The following TOGARAM2 variants were observed in gnomAD, a reference collection of about 807,000 sequenced individuals.
TOGARAM2 encodes TOG array regulator of axonemal microtubules 2.
Under a neutral mutation model 93.3 loss-of-function variants are expected in TOGARAM2, and 85 were observed. That is an observed-to-expected ratio of 0.91 (90% CI 0.76 to 1.09). The LOEUF is 1.09. Among genes scored for constraint, TOGARAM2 ranks in the 50% least tolerant of loss-of-function variants. TOGARAM2 has a pLI of 0.00. For synonymous variants in TOGARAM2, 593 were observed against 552.8 expected, an observed-to-expected ratio of 1.07 and a Z score of -1.02; for missense variants, 1,277 against 1,334.5, an observed-to-expected ratio of 0.96 and a Z score of 0.67.
intron 6 of TOGARAM2, among the ~76,000 whole-genome samples, chr2:29,005,176 G>C (rs1572680699): frequency 7.5e-6 from 1 of 133,904 alleles, no homozygotes; most frequent in South Asian, 2.6e-4. Context: ...ATGTGTAAGG[G>C]CATATGTGTG....
chr2:29,009,103 G>C (rs1284946604), intron 6 of TOGARAM2, among the ~76,000 whole-genome samples: 1 of 152,232 alleles, frequency 6.6e-6, no homozygotes, highest in African/African-American at 2.4e-5. Flanking sequence ...GAAGTTCAGA[G>C]AGGTGGGTGC....
chr2:28,991,237 C>T (rs1052467175), intron 1 of TOGARAM2, among the ~76,000 whole-genome samples: 2 of 152,098 alleles, frequency 1.3e-5, no homozygotes, highest in Non-Finnish European at 2.9e-5. Flanking sequence ...ACAAGAGGGC[C>T]CGGGGCAGGA....
intron 8 of TOGARAM2, 105 bp from the exon 9 acceptor site, chr2:29,017,049 A>C (rs1488520178): frequency 7.0e-7 from 1 of 1,426,056 alleles, no homozygotes; most frequent in African/African-American, 1.4e-5. Context: ...TTTTTTGTTC[A>C]CTTCCAGGAC....
intron 15 of TOGARAM2, 30 bp from the exon 16 acceptor site, chr2:29,033,439 T>C (rs1424545255): frequency 3.8e-5 from 60 of 1,593,410 alleles, no homozygotes; most frequent in Non-Finnish European, 5.1e-5. Flanking sequence ...CCACTCCTTT[T>C]GGCTCATGCT....
intron 14 of TOGARAM2, among the ~76,000 whole-genome samples, chr2:29,029,680 C>T (rs113582989): frequency 5.5e-5 from 8 of 146,542 alleles, no homozygotes; most frequent in South Asian, 4.6e-4. Flanking sequence ...GGCGTGAACC[C>T]GGGAGGCGGA....
In TOGARAM2 at chr2:29,028,292, G is replaced by A. The variant is rs139737433; in HGVS notation, c.2012+1281G>A. Among the ~76,000 whole-genome samples the A allele has an allele frequency of 7.2e-5, 11 of 152,280 alleles. No homozygotes were observed. In the East Asian group the frequency reaches 7.7e-4, roughly 11 times the overall value. ...CCAGACATTCTCGTAGGGTACCCACGTCTGAGGGTGCTCCCTGAGGGATGT... is the reference window on the plus strand; with the variant it reads ...CCAGACATTCTCGTAGGGTACCCACATCTGAGGGTGCTCCCTGAGGGATGT... On this transcript the variant is annotated intron_variant, in intron 14 of 19. Coordinates refer to ENST00000379558, the MANE Select transcript of TOGARAM2 (RefSeq NM_199280.4).
chr2:29,019,484 A>G (rs559745454), intron 10 of TOGARAM2, among the ~76,000 whole-genome samples: 1 of 152,228 alleles, frequency 6.6e-6, no homozygotes, highest in Non-Finnish European at 1.5e-5. Context: ...CACTCATTTT[A>G]TAGCAGCAGA....
chr2:29,051,588 TAAAAG>T (rs1667071810), intron 19 of TOGARAM2, 163 bp from the exon 20 acceptor site: 1 of 537,992 alleles, frequency 1.9e-6, no homozygotes, highest in African/African-American at 1.9e-5. Flanking sequence ...CTACTAATGT[TAAAAG>T]AAGCTAACAC....
rs929719899 is a variant in TOGARAM2 at position 29,017,310 on chromosome 2, G to T, written c.1195+6G>T. ...GAGAGCCTTCATGAAGGAAGGTACT[G>T]GGTGCCTGGTGTGGGATTTGCTCAG... On this transcript the variant is annotated splice_donor_region_variant and intron_variant, in intron 9 of 19. Coordinates refer to ENST00000379558, the MANE Select transcript of TOGARAM2 (RefSeq NM_199280.4). 6 of 1,590,052 alleles carry T rather than the reference G, an allele frequency of 3.8e-6. No homozygotes were observed. The African/African-American group carries it at 6.8e-5, about 18-fold the overall frequency.
At chr2:28,976,725 G>A (rs1672044304), upstream of TOGARAM2, among the ~76,000 whole-genome samples, 1 of 152,244 alleles carries the variant, frequency 6.6e-6, no homozygotes, top group Admixed American at 6.5e-5. Flanking sequence ...GCTTGGCCTA[G>A]TCCTCTCTCT....
intron 6 of TOGARAM2, among the ~76,000 whole-genome samples, chr2:29,009,854 G>T (rs1039187500): frequency 1.3e-5 from 2 of 152,178 alleles, no homozygotes; most frequent in African/African-American, 4.8e-5. Context: ...ACAGGGTGGG[G>T]CGGGGCTGCC....
Position 28,999,238 on chromosome 2 carries a change from T to C in TOGARAM2, c.197T>C (p.Leu66Pro), listed in dbSNP as rs867033905. Reference sequence around the variant, plus strand: ...AACAACGAGGAACCGTCACAGCTCCTGCGTGGACTCGGACAGCTGGGTGGC... The same window carrying C: ...AACAACGAGGAACCGTCACAGCTCCCGCGTGGACTCGGACAGCTGGGTGGC... Reference protein sequence around the residue: ...LLNNEEPSQLLRGLGQLGGLK... With the variant: ...LLNNEEPSQLPRGLGQLGGLK... The change falls in exon 4 of 20, where the codon CTG becomes CCG. Residue 66 changes from leucine to proline, a missense_variant. Leu to Pro is a moderately conservative substitution (Grantham distance 98). Transcript: ENST00000379558. The C allele has an allele frequency of 1.5e-5, 25 of 1,613,764 alleles. No individual in the cohort carries two copies. Among genetic ancestry groups the C allele is most frequent in the African/African-American group, 8.0e-5 (6 of 74,924 alleles).
chr2:29,024,441 G>A, intron 13 of TOGARAM2, 67 bp downstream of exon 13: 1 of 1,346,660 alleles, frequency 7.4e-7, no homozygotes, highest in Non-Finnish European at 1.0e-6. Flanking sequence ...GAGAGGCCCT[G>A]GGATGTGAAA....
chr2:28,960,415 CTG>C (rs1326857156), intron 1 of TOGARAM2, among the ~76,000 whole-genome samples: 3 of 152,116 alleles, frequency 2.0e-5, no homozygotes, highest in Non-Finnish European at 2.9e-5. Context: ...CTTGCTCACT[CTG>C]TCACCCAGGC....
rs1216763169 is a variant in TOGARAM2, at chr2:29,017,206, T to A, written c.1097T>A (p.Met366Lys). The change falls in exon 9 of 20, where the codon ATG becomes AAG. Residue 366 changes from methionine to lysine, a missense_variant. Physicochemically the swap from Met to Lys is moderately conservative, Grantham distance 95. Coordinates refer to ENST00000379558, the MANE Select transcript of TOGARAM2 (RefSeq NM_199280.4). ...SAREKMQLKQ[M>K]KEMELLRRLE... ...CGGGAGAAGATGCAGCTGAAGCAGA[T>A]GAAGGAGATGGAGCTGCTTCGGAGG... The A allele has an allele frequency of 1.2e-6, 2 of 1,613,784 alleles. No individual in the cohort carries two copies.
intron 10 of TOGARAM2, among the ~76,000 whole-genome samples, chr2:29,020,628 T>G (rs1221961125): frequency 6.6e-6 from 1 of 152,068 alleles, no homozygotes; most frequent in Admixed American, 6.5e-5. Flanking sequence ...TTAAATCCAG[T>G]GGATGCTAAA....
intron 17 of TOGARAM2, 39 bp from the exon 18 acceptor site, chr2:29,036,502 T>C (rs1666118340): frequency 6.2e-7 from 1 of 1,608,302 alleles, no homozygotes; most frequent in Admixed American, 1.7e-5. Context: ...CTGCCCAGCC[T>C]GGGTTCCCAT....
Position 28,963,902 on chromosome 2 carries a change from G to C in TOGARAM2, c.-147+7205G>C, listed in dbSNP as rs1219838439. On this transcript the variant is annotated intron_variant, in intron 1 of 6. Transcript: ENST00000401723. ...GTGCGCCTGTAGTCCAAGCTGCTTG[G>C]AGGTTGAGAAAGGAGAATTGCTTGA... 2.6e-5 allele frequency among the ~76,000 whole-genome samples: 4 copies of C among 152,146 alleles called. No homozygotes were observed. The East Asian group carries it at 7.7e-4, about 29-fold the overall frequency.
chr2:28,992,333 C>A (rs1196539146), intron 1 of TOGARAM2, among the ~76,000 whole-genome samples: 1 of 152,146 alleles, frequency 6.6e-6, no homozygotes, highest in Non-Finnish European at 1.5e-5. Flanking sequence ...GGAGATCCTG[C>A]ACTAGACCCT....
Sources: gnomAD v4.1 joint callset for allele counts (sites outside exome capture counted in the v4.1 genomes callset) on GRCh38, gnomAD v4.1.1 for gene constraint, MANE v1.5 for transcripts, NCBI Gene and HGNC (gene_info 2026-07-23, HGNC 2026-07-21) for gene names.